The following IFNGR2 variants were observed in gnomAD, a reference collection of about 807,000 sequenced individuals.
IFNGR2 encodes IFN-gamma receptor 2.
Under a neutral mutation model 41.1 loss-of-function variants are expected in IFNGR2, and 15 were observed. The observed-to-expected ratio is 0.37, with a 90% CI of 0.24 to 0.56. The LOEUF is 0.56. Among genes scored for constraint, IFNGR2 ranks in the 20% least tolerant of loss-of-function variants. IFNGR2 has a pLI of 0.81. For missense variants in IFNGR2, 362 were observed against 415.7 expected (o/e 0.87, Z 1.12); for synonymous variants, 161 against 171.6 (o/e 0.94, Z 0.48).
chr21:33,421,355 G>A lies in IFNGR2; in HGVS notation c.207-125G>A, dbSNP rs926270691. 14 of 708,096 alleles carry A rather than the reference G, an allele frequency of 2.0e-5. No individual in the cohort carries two copies. The East Asian group carries it at 2.9e-4, about 14-fold the overall frequency. The allele number at this position is 708,096 out of a possible 1,614,324, so 43.9% of individuals were successfully genotyped here. On this transcript the variant is annotated intron_variant, in intron 2 of 6. Coordinates refer to ENST00000290219, the MANE Select transcript of IFNGR2 (RefSeq NM_005534.4). Reference sequence around the variant, plus strand: ...TCAAAAAAAAAAAAAAAAAAAGCGGGGGGGAACTGTATGGTACATATAAAT... The same window carrying A: ...TCAAAAAAAAAAAAAAAAAAAGCGGAGGGGAACTGTATGGTACATATAAAT...
Position 33,432,721 on chromosome 21 carries a change from T to G in IFNGR2, c.729T>G (p.Thr243=). ...TTCGTGTCCTCTTTTTAGCCTCCACTGAGCTTCAGCAAGTCATCCTGATCT... is the reference window on the plus strand; with the variant it reads ...TTCGTGTCCTCTTTTTAGCCTCCACGGAGCTTCAGCAAGTCATCCTGATCT... The part of the protein sequence containing the change: ...SCYETMADAS[T]ELQQVILISV... The change falls in exon 6 of 7, where the codon ACT becomes ACG. Residue 243 remains threonine, a synonymous_variant. Transcript: ENST00000290219. The G allele has an allele frequency of 6.2e-7, 1 of 1,614,172 alleles. No individual in the cohort carries two copies. The highest frequency in any genetic ancestry group is 8.5e-7 in the Non-Finnish European group (1 of 1,180,026).
At chr21:33,434,179 C>T (rs1320603232) in intron 6 of IFNGR2, among the ~76,000 whole-genome samples, 2 of 152,134 alleles carry the variant, frequency 1.3e-5, no homozygotes, top group Non-Finnish European at 2.9e-5. Flanking sequence ...TCTGAGGACA[C>T]GGTCAGGACA....
At chr21:33,422,346 T>C (rs1366897164) in intron 3 of IFNGR2, among the ~76,000 whole-genome samples, 3 of 152,226 alleles carry the variant, frequency 2.0e-5, no homozygotes, top group African/African-American at 7.2e-5. Flanking sequence ...GTGTCTGGTT[T>C]ATGCACACAC....
chr21:33,423,564 G>C (rs1442806125), intron 3 of IFNGR2, among the ~76,000 whole-genome samples: 1 of 151,328 alleles, frequency 6.6e-6, no homozygotes, highest in Non-Finnish European at 1.5e-5. Context: ...CACTATGCCC[G>C]TCTAATTTTT....
intron 1 of IFNGR2, chr21:33,411,364 T>A (rs2083714252): frequency 2.2e-6 from 1 of 454,644 alleles, no homozygotes; most frequent in East Asian, 7.0e-5. Flanking sequence ...CTTTCTGAAC[T>A]GAATGCTTAG....
chr21:33,433,173 A>T lies in IFNGR2; in HGVS notation c.879+302A>T, dbSNP rs1051596304. On this transcript the variant is annotated intron_variant, in intron 6 of 6. Coordinates refer to ENST00000290219, the MANE Select transcript of IFNGR2 (RefSeq NM_005534.4). ...AGTGCTGGGATTACAGGCGGGAGCC[A>T]CTGCGCCCGGCCACGCAGACATCTT... Among the ~76,000 whole-genome samples the T allele has an allele frequency of 3.9e-5, 6 of 152,268 alleles. No individual in the cohort carries two copies. In the East Asian group the frequency reaches 1.2e-3, roughly 29 times the overall value.
chr21:33,412,268 A>C (rs1485759129), intron 1 of IFNGR2, among the ~76,000 whole-genome samples: 2 of 152,218 alleles, frequency 1.3e-5, no homozygotes, highest in Admixed American at 6.5e-5. Flanking sequence ...CAATAACAAG[A>C]AGCAGACAAA....
intron 3 of IFNGR2, among the ~76,000 whole-genome samples, chr21:33,424,740 T>TTTTTG (rs942436564): frequency 2.0e-5 from 3 of 152,100 alleles, no homozygotes; most frequent in Non-Finnish European, 2.9e-5. Flanking sequence ...CTTATTTGTT[T>TTTTTG]TTTTGTTTTG....
At chr21:33,404,039 C>G (rs2083660285) in intron 1 of IFNGR2, among the ~76,000 whole-genome samples, 4 of 152,232 alleles carry the variant, frequency 2.6e-5, no homozygotes, top group Admixed American at 2.6e-4. Flanking sequence ...GCGCCCGCGC[C>G]GGGAAAGCCA....
chr21:33,435,782 C>G (rs977777243), intron 6 of IFNGR2, among the ~76,000 whole-genome samples: 6 of 146,084 alleles, frequency 4.1e-5, no homozygotes, highest in African/African-American at 1.5e-4. Context: ...ACTTGGGAGG[C>G]TGAGGCAGGA....
intron 4 of IFNGR2, among the ~76,000 whole-genome samples, chr21:33,429,307 C>T (rs1237292807): frequency 6.6e-6 from 1 of 151,222 alleles, no homozygotes; most frequent in Non-Finnish European, 1.5e-5. Flanking sequence ...CCCTAGATCG[C>T]TCAAAGGACT....
chr21:33,426,138 G>A (rs1440858409), intron 3 of IFNGR2, among the ~76,000 whole-genome samples: 1 of 122 alleles, frequency 8.2e-3, no homozygotes, highest in Non-Finnish European at 0.014. Context: ...TATAGTATGG[G>A]CATGGTGCTC....
intron 6 of IFNGR2, 64 bp from the exon 7 acceptor site, chr21:33,436,764 G>A: frequency 7.6e-7 from 1 of 1,310,142 alleles, no homozygotes; most frequent in Non-Finnish European, 1.1e-6. Flanking sequence ...AAAAACTAAA[G>A]TTAAAAGGTC....
chr21:33,432,885 C>CAT lies in IFNGR2; in HGVS notation c.879+15_879+16dup. The stretch of plus-strand genomic sequence containing the variant: ...CAGATAGAAGAGGTACGTGTGCACA[C>CAT]ATCTCTTTTTTTTTTTTTGAGACAG... On this transcript the variant is annotated intron_variant, in intron 6 of 6. Coordinates refer to ENST00000290219, the MANE Select transcript of IFNGR2 (RefSeq NM_005534.4). 6.4e-7 allele frequency: 1 copy of CAT among 1,569,810 alleles called. No homozygotes were observed. Among genetic ancestry groups the CAT allele is most frequent in the Non-Finnish European group, 8.7e-7 (1 of 1,144,982 alleles).
chr21:33,426,794 C>T (rs930508115), intron 3 of IFNGR2, 90 bp from the exon 4 acceptor site: 24 of 629,874 alleles, frequency 3.8e-5, no homozygotes, highest in Non-Finnish European at 5.1e-5. Flanking sequence ...TATATATATA[C>T]ATATATATAT....
In IFNGR2 at chr21:33,436,854, C is replaced by T. The variant is rs1333148859; in HGVS notation, c.906C>T (p.Ile302=). The T allele has an allele frequency of 6.2e-7, 1 of 1,614,156 alleles. No individual in the cohort carries two copies. Among genetic ancestry groups the T allele is most frequent in the Non-Finnish European group, 8.5e-7 (1 of 1,179,994 alleles). The stretch of plus-strand genomic sequence containing the variant: ...ATTTAAAAGACCCAACTCAGCCCAT[C>T]TTAGAGGCCTTGGACAAGGACAGCT... ...EEYLKDPTQP[I]LEALDKDSSP... Residue 302 remains isoleucine, a synonymous_variant, in exon 7 of 7, where the codon ATC becomes ATT. Transcript: ENST00000290219.
chr21:33,422,368 C>T (rs1241644151), intron 3 of IFNGR2, among the ~76,000 whole-genome samples: 2 of 152,144 alleles, frequency 1.3e-5, no homozygotes, highest in East Asian at 1.9e-4. Context: ...GGGCATGAAA[C>T]TTACATGGAT....
At chr21:33,432,652 T>G (rs1425101967) in intron 5 of IFNGR2, 62 bp from the exon 6 acceptor site, 1 of 1,550,992 alleles carries the variant, frequency 6.4e-7, no homozygotes, top group Non-Finnish European at 8.9e-7. Context: ...GATGGAACAT[T>G]AACTGATGTT....
chr21:33,407,969 A>C (rs1344555464), intron 1 of IFNGR2, among the ~76,000 whole-genome samples: 1 of 151,718 alleles, frequency 6.6e-6, no homozygotes, highest in Non-Finnish European at 1.5e-5. Flanking sequence ...CTGAGGAATC[A>C]GAAAATGCCT....
Sources: allele counts gnomAD v4.1 joint callset (sites outside exome capture counted in the v4.1 genomes callset), GRCh38; gene constraint gnomAD v4.1.1; transcripts MANE v1.5; gene names NCBI Gene and HGNC (gene_info 2026-07-23, HGNC 2026-07-21).